The following DLGAP1 variants were observed in gnomAD, a reference collection of about 807,000 sequenced individuals.
DLGAP1 encodes disks large-associated protein 1.
DLGAP1 carries 11 observed loss-of-function variants against 90.8 expected under a neutral mutation model. The observed-to-expected ratio is 0.12, with a 90% CI of 0.08 to 0.20. DLGAP1 has a LOEUF of 0.20. Among genes scored for constraint, DLGAP1 ranks in the 10% least tolerant of loss-of-function variants. The pLI is 1.00. For missense variants in DLGAP1, 1,050 were observed against 1,333.8 expected, an observed-to-expected ratio of 0.79 and a Z score of 3.31; for synonymous variants, 558 against 540.7, an observed-to-expected ratio of 1.03 and a Z score of -0.44.
At chr18:3,776,771 C>G (rs955346522) in intron 5 of DLGAP1, among the ~76,000 whole-genome samples, 3 of 152,174 alleles carry the variant, frequency 2.0e-5, no homozygotes, top group African/African-American at 7.2e-5. Context: ...AAAGAGATCA[C>G]TGGGAAAATT....
rs566034526 is a variant in DLGAP1 at position 4,183,683 on chromosome 18, G to A, written c.-266-32396C>T. On this transcript the variant is annotated intron_variant, in intron 1 of 12. Transcript: ENST00000315677. ...TTCCAACCTTTCTGCTAGAAGCTAC[G>A]AAGAATTAATTGCCATGTAGGTTTC... Among the ~76,000 whole-genome samples, 12 of 152,114 alleles carry A rather than the reference G, an allele frequency of 7.9e-5. No homozygotes were observed. In the South Asian group the frequency reaches 2.3e-3, roughly 29 times the overall value.
chr18:4,439,357 C>T (rs1429654612), intron 1 of DLGAP1, among the ~76,000 whole-genome samples: 7 of 152,164 alleles, frequency 4.6e-5, no homozygotes, highest in Non-Finnish European at 2.9e-5. Flanking sequence ...TTAAAACATG[C>T]CTAGTTGTTA....
chr18:3,611,416 G>C (rs780628765), intron 7 of DLGAP1, among the ~76,000 whole-genome samples: 53 of 152,022 alleles, frequency 3.5e-4, no homozygotes, highest in Non-Finnish European at 6.5e-4. Flanking sequence ...AGTCCTGACC[G>C]GCTCTACCAC....
At chr18:3,830,008 C>A (rs1333992593) in intron 4 of DLGAP1, among the ~76,000 whole-genome samples, 2 of 152,096 alleles carry the variant, frequency 1.3e-5, no homozygotes, top group East Asian at 1.9e-4. Flanking sequence ...ATGCTCCGTT[C>A]ATTTTCTGAG....
At chr18:4,029,178 A>G (rs929204365) in intron 2 of DLGAP1, among the ~76,000 whole-genome samples, 5 of 152,174 alleles carry the variant, frequency 3.3e-5, no homozygotes, top group African/African-American at 1.2e-4. Flanking sequence ...GTTGCAAATG[A>G]CAAGATTTTC....
chr18:4,330,506 A>G (rs1490190045), intron 1 of DLGAP1, among the ~76,000 whole-genome samples: 1 of 151,822 alleles, frequency 6.6e-6, no homozygotes, highest in African/African-American at 2.4e-5. Flanking sequence ...CAATTAGTGC[A>G]AAAATATTTC....
chr18:3,683,954 G>A (rs137913918), intron 7 of DLGAP1, among the ~76,000 whole-genome samples: 266 of 152,034 alleles, frequency 1.7e-3, no homozygotes, highest in Admixed American at 3.6e-3. Context: ...TCCCTCACTG[G>A]GGGGACACGA....
At chr18:3,953,524 T>G (rs73376549) in intron 3 of DLGAP1, among the ~76,000 whole-genome samples, 26,320 of 152,188 alleles carry the variant, frequency 0.17, 2,459 homozygotes, top group African/African-American at 0.23. Flanking sequence ...TCATTCTTTT[T>G]TATGGCTGAG....
intron 2 of DLGAP1, among the ~76,000 whole-genome samples, chr18:4,062,807 T>C (rs1020395107): frequency 6.6e-6 from 1 of 152,106 alleles, no homozygotes; most frequent in African/African-American, 2.4e-5. Flanking sequence ...GTTTTAACTT[T>C]CTTTTTTTTC....
chr18:4,010,678 T>C (rs147413691), intron 2 of DLGAP1, among the ~76,000 whole-genome samples: 4 of 152,348 alleles, frequency 2.6e-5, no homozygotes, highest in African/African-American at 9.6e-5. Context: ...TATCAAATTT[T>C]CAATGCTATT....
intron 1 of DLGAP1, among the ~76,000 whole-genome samples, chr18:4,442,585 C>A (rs962352938): frequency 6.9e-6 from 1 of 144,516 alleles, no homozygotes; most frequent in South Asian, 2.1e-4. Context: ...ATACTGACTA[C>A]TATTAAAACA....
chr18:3,853,236 C>G (rs913330851), intron 4 of DLGAP1, among the ~76,000 whole-genome samples: 2 of 152,090 alleles, frequency 1.3e-5, no homozygotes, highest in Admixed American at 1.3e-4. Context: ...TTCCAGGAAA[C>G]TGAACACTTA....
intron 2 of DLGAP1, among the ~76,000 whole-genome samples, chr18:4,119,689 A>G (rs1013507096): frequency 2.0e-5 from 3 of 152,134 alleles, no homozygotes; most frequent in African/African-American, 7.2e-5. Context: ...AATTAGACAA[A>G]AGCACTCTTT....
chr18:3,844,432 C>A (rs1254729305), intron 4 of DLGAP1, among the ~76,000 whole-genome samples: 1 of 152,098 alleles, frequency 6.6e-6, no homozygotes, highest in Non-Finnish European at 1.5e-5. Context: ...AATCAAAATC[C>A]CCGTATTAAA....
intron 1 of DLGAP1, among the ~76,000 whole-genome samples, chr18:4,439,895 G>A (rs1312735236): frequency 1.3e-5 from 2 of 152,010 alleles, no homozygotes; most frequent in Non-Finnish European, 2.9e-5. Context: ...GAGGCGGGCA[G>A]ATCACAAGGT....
chr18:3,891,623 T>C (rs2071460852), intron 3 of DLGAP1, among the ~76,000 whole-genome samples: 1 of 152,310 alleles, frequency 6.6e-6, no homozygotes, highest in South Asian at 2.1e-4. Flanking sequence ...CTAGGAATCA[T>C]AACTATATAC....
At chr18:3,933,166 C>A (rs1390407304) in intron 3 of DLGAP1, among the ~76,000 whole-genome samples, 1 of 152,216 alleles carries the variant, frequency 6.6e-6, no homozygotes, top group African/African-American at 2.4e-5. Context: ...GGACTTCTAA[C>A]TTCAGAGGCT....
At chr18:4,261,445 T>G (rs1217874811) in intron 1 of DLGAP1, among the ~76,000 whole-genome samples, 1 of 152,210 alleles carries the variant, frequency 6.6e-6, no homozygotes, top group Admixed American at 6.5e-5. Flanking sequence ...GCTATTTTGC[T>G]ACTATTCTTC....
At chr18:3,523,629 C>T (rs554002104) in intron 10 of DLGAP1, among the ~76,000 whole-genome samples, 2,315 of 151,762 alleles carry the variant, frequency 0.015, 36 homozygotes, top group African/African-American at 0.036. Context: ...GGGCGGATCA[C>T]GAGGTCAGGA....
Sources: gnomAD v4.1 joint callset for allele counts (sites outside exome capture counted in the v4.1 genomes callset) on GRCh38, gnomAD v4.1.1 for gene constraint, MANE v1.5 for transcripts, NCBI Gene and HGNC (gene_info 2026-07-23, HGNC 2026-07-21) for gene names.